The following SVEP1 variants were observed in gnomAD, a reference collection of about 807,000 sequenced individuals.
SVEP1 encodes the protein sushi, von Willebrand factor type A, EGF and pentraxin domain containing 1.
A neutral mutation model predicts 367.3 loss-of-function variants in SVEP1; 164 were observed. That is an observed-to-expected ratio of 0.45 (90% CI 0.39 to 0.51). SVEP1 has a LOEUF of 0.51. SVEP1 is among the 20% of genes least tolerant of loss of function. The pLI is 0.00. For missense variants in SVEP1, 4,117 were observed against 4,425.3 expected, an observed-to-expected ratio of 0.93 and a Z score of 1.98; for synonymous variants, 1,666 against 1,611.6, an observed-to-expected ratio of 1.03 and a Z score of -0.81.
At chr9:110,437,585 C>A (rs1828449913) in intron 27 of SVEP1, among the ~76,000 whole-genome samples, 1 of 152,196 alleles carries the variant, frequency 6.6e-6, no homozygotes, top group African/African-American at 2.4e-5. Flanking sequence ...TCTCTGCCTG[C>A]CTCTTAGAAG....
intron 18 of SVEP1, among the ~76,000 whole-genome samples, chr9:110,465,565 T>C (rs1438405024): frequency 6.6e-6 from 1 of 152,210 alleles, no homozygotes; most frequent in Non-Finnish European, 1.5e-5. Context: ...GTTCCTAGTT[T>C]AGATATATTT....
At chr9:110,464,053 A>G (rs1207885693) in intron 18 of SVEP1, among the ~76,000 whole-genome samples, 2 of 152,174 alleles carry the variant, frequency 1.3e-5, no homozygotes, top group Non-Finnish European at 2.9e-5. Context: ...GTCAAATGTG[A>G]ACTTGTTTCA....
chr9:110,562,232 CA>C (rs534309080), intron 1 of SVEP1, among the ~76,000 whole-genome samples: 1 of 144,530 alleles, frequency 6.9e-6, no homozygotes, highest in Non-Finnish European at 1.5e-5. Context: ...ATATGAATAG[CA>C]AAAACAAAAA....
intron 3 of SVEP1, among the ~76,000 whole-genome samples, chr9:110,527,839 T>C (rs12006447): frequency 0.021 from 3,136 of 151,804 alleles, 107 homozygotes; most frequent in African/African-American, 0.07. Flanking sequence ...TAGGTTTTTT[T>C]ATCCCTCACT....
intron 3 of SVEP1, among the ~76,000 whole-genome samples, chr9:110,542,468 A>T (rs573630926): frequency 1.3e-5 from 2 of 152,314 alleles, no homozygotes; most frequent in South Asian, 4.1e-4. Flanking sequence ...GAAATTTAAC[A>T]TCCTCTCCTT....
At chr9:110,501,920 G>A (rs1012191631) in intron 6 of SVEP1, among the ~76,000 whole-genome samples, 1 of 151,892 alleles carries the variant, frequency 6.6e-6, no homozygotes, top group Admixed American at 6.6e-5. Context: ...TCTTTTTTCA[G>A]TGTGGGTTGC....
chr9:110,570,355 G>A (rs1483116401), intron 1 of SVEP1, among the ~76,000 whole-genome samples: 1 of 152,002 alleles, frequency 6.6e-6, no homozygotes, highest in Non-Finnish European at 1.5e-5. Context: ...ATTTTATTTT[G>A]TGGTATACAA....
At chr9:110,428,477 C>T (rs1315428330) in intron 35 of SVEP1, among the ~76,000 whole-genome samples, 1 of 151,748 alleles carries the variant, frequency 6.6e-6, no homozygotes, top group Admixed American at 6.6e-5. Context: ...TCTTGACATG[C>T]TTTTTCATAA....
chr9:110,528,907 T>C (rs1220815715), intron 3 of SVEP1, among the ~76,000 whole-genome samples: 1 of 152,058 alleles, frequency 6.6e-6, no homozygotes, highest in Non-Finnish European at 1.5e-5. Context: ...TTTTCATTTT[T>C]GTTGCATTTG....
At chr9:110,402,182 C>A (rs1827873560) in intron 39 of SVEP1, among the ~76,000 whole-genome samples, 1 of 151,762 alleles carries the variant, frequency 6.6e-6, no homozygotes, top group South Asian at 2.1e-4. Flanking sequence ...GATTTATTTT[C>A]TCCAGAGACT....
At chr9:110,373,541 T>A (rs1484953529) in intron 46 of SVEP1, among the ~76,000 whole-genome samples, 3 of 152,134 alleles carry the variant, frequency 2.0e-5, no homozygotes, top group Non-Finnish European at 2.9e-5. Flanking sequence ...TATGTTTTAC[T>A]CCACTGAGGA....
intron 14 of SVEP1, among the ~76,000 whole-genome samples, chr9:110,473,543 T>C (rs1233736425): frequency 1.3e-5 from 2 of 152,230 alleles, no homozygotes; most frequent in Non-Finnish European, 2.9e-5. Context: ...GTAATCTTTT[T>C]CAAATTTTAT....
Position 110,408,259 on chromosome 9 carries a change from G to T in SVEP1, c.7341C>A (p.Pro2447=), listed in dbSNP as rs1013121406. ...GGCCTTGCACATCAATGATTCCATTGGGGATTTCCTCAGGTTGGGGACATT... is the reference window on the plus strand; with the variant it reads ...GGCCTTGCACATCAATGATTCCATTTGGGATTTCCTCAGGTTGGGGACATT... ...PVECPQPEEI[P]NGIIDVQGLA... The change falls in exon 38 of 48, where the codon CCC becomes CCA. Residue 2447 remains proline (P), a synonymous_variant. Coordinates refer to ENST00000374469, the MANE Select transcript of SVEP1 (RefSeq NM_153366.4). The T allele has an allele frequency of 6.2e-7, 1 of 1,613,996 alleles. No homozygotes were observed. The highest frequency in any genetic ancestry group is 8.5e-7 in the Non-Finnish European group (1 of 1,179,878).
chr9:110,527,370 A>T (rs1486896104), intron 3 of SVEP1, among the ~76,000 whole-genome samples: 1 of 152,070 alleles, frequency 6.6e-6, no homozygotes, highest in Non-Finnish European at 1.5e-5. Context: ...AAGCAGAGAA[A>T]CTGCATTTTT....
chr9:110,390,263 G>GTA (rs1224334905), intron 40 of SVEP1, among the ~76,000 whole-genome samples: 7 of 60,156 alleles, frequency 1.2e-4, no homozygotes, highest in Non-Finnish European at 2.1e-4. Flanking sequence ...ATATAAGTAT[G>GTA]TATATATATA....
chr9:110,523,522 T>A (rs1395483244), intron 3 of SVEP1, among the ~76,000 whole-genome samples: 1 of 152,074 alleles, frequency 6.6e-6, no homozygotes, highest in Non-Finnish European at 1.5e-5. Context: ...AATAATTACA[T>A]CAAATATAAG....
chr9:110,412,417 G>A (rs973673857), intron 36 of SVEP1, among the ~76,000 whole-genome samples: 7 of 152,120 alleles, frequency 4.6e-5, no homozygotes, highest in South Asian at 2.1e-4. Flanking sequence ...AGACTTAAAC[G>A]TTAAACCTAA....
chr9:110,425,429 T>C (rs923532610), intron 36 of SVEP1, among the ~76,000 whole-genome samples: 3 of 152,244 alleles, frequency 2.0e-5, no homozygotes, highest in Non-Finnish European at 4.4e-5. Flanking sequence ...ATTCAATCTT[T>C]TCAATGACAG....
intron 21 of SVEP1, among the ~76,000 whole-genome samples, chr9:110,456,844 T>C (rs929836116): frequency 6.6e-6 from 1 of 152,202 alleles, no homozygotes. Context: ...AAACAAAGCA[T>C]AGCTATTCAT....
Sources: allele counts gnomAD v4.1 joint callset (sites outside exome capture counted in the v4.1 genomes callset), GRCh38; gene constraint gnomAD v4.1.1; transcripts MANE v1.5; gene names NCBI Gene and HGNC (gene_info 2026-07-23, HGNC 2026-07-21).